The following GRM1 variants were observed in gnomAD, a reference collection of about 807,000 sequenced individuals.
GRM1 encodes glutamate metabotropic receptor 1, also known as metabotropic glutamate receptor 1.
In GRM1, 33 loss-of-function variants were observed where a neutral mutation model predicts 90.9. That is an observed-to-expected ratio of 0.36 (90% CI 0.28 to 0.49). The LOEUF (loss-of-function observed/expected upper bound fraction) is 0.49, where lower values mean the gene tolerates loss of function less well. GRM1 is among the 20% of genes least tolerant of loss of function. The probability of loss-of-function intolerance (pLI) is 0.99; values close to 1 mark genes in which losing one functional copy is unlikely to be tolerated. For synonymous variants in GRM1, 700 were observed against 613.2 expected (o/e 1.14, Z -2.09); for missense variants, 1,190 against 1,534.3 (o/e 0.78, Z 3.75).
intron 1 of GRM1, among the ~76,000 whole-genome samples, chr6:146,080,294 T>C (rs992440457): frequency 5.3e-5 from 8 of 152,198 alleles, no homozygotes; most frequent in Non-Finnish European, 8.8e-5. Flanking sequence ...TACTTTCAAA[T>C]ATTACTTTCC....
chr6:146,173,550 C>CTAG (rs1778222100), intron 2 of GRM1, among the ~76,000 whole-genome samples: 3 of 151,950 alleles, frequency 2.0e-5, no homozygotes, highest in African/African-American at 7.2e-5. Flanking sequence ...AGAGCCACTG[C>CTAG]CTTAATCATT....
intron 2 of GRM1, among the ~76,000 whole-genome samples, chr6:146,275,742 C>A (rs1180916093): frequency 5.9e-5 from 9 of 152,118 alleles, no homozygotes; most frequent in Admixed American, 2.0e-4. Context: ...TCTCTTCTAG[C>A]ACACTGTTCT....
At chr6:146,046,425 C>G (rs2128845127) in intron 1 of GRM1, among the ~76,000 whole-genome samples, 1 of 152,060 alleles carries the variant, frequency 6.6e-6, no homozygotes, top group Non-Finnish European at 1.5e-5. Flanking sequence ...ATGCATGATG[C>G]ATGACTATCA....
At chr6:146,051,826 C>T (rs1434847959) in intron 1 of GRM1, among the ~76,000 whole-genome samples, 1 of 151,984 alleles carries the variant, frequency 6.6e-6, no homozygotes, top group South Asian at 2.1e-4. Flanking sequence ...TCCCAAGCAC[C>T]CTTATATAAT....
chr6:146,058,158 T>C (rs1304854680), intron 1 of GRM1, among the ~76,000 whole-genome samples: 1 of 152,144 alleles, frequency 6.6e-6, no homozygotes, highest in Non-Finnish European at 1.5e-5. Flanking sequence ...AGCTGTCATC[T>C]TCTTTTTGCG....
At chr6:146,262,162 TA>T (rs1781718144) in intron 2 of GRM1, among the ~76,000 whole-genome samples, 1 of 151,660 alleles carries the variant, frequency 6.6e-6, no homozygotes, top group African/African-American at 2.4e-5. Flanking sequence ...GAAGAAAATG[TA>T]AAAATGGCCA....
chr6:146,350,469 T>G (rs771767562), intron 3 of GRM1, among the ~76,000 whole-genome samples: 1 of 26,352 alleles, frequency 3.8e-5, no homozygotes, highest in Non-Finnish European at 7.9e-5. Flanking sequence ...AATTTTTGTG[T>G]TTTTTTTTTT....
At chr6:146,357,220 A>G (rs924069707) in intron 4 of GRM1, among the ~76,000 whole-genome samples, 1 of 152,224 alleles carries the variant, frequency 6.6e-6, no homozygotes, top group Non-Finnish European at 1.5e-5. Context: ...AACTTAATAA[A>G]CCATAATTGG....
At chr6:146,169,541 C>T (rs1041485551) in intron 2 of GRM1, among the ~76,000 whole-genome samples, 1 of 151,980 alleles carries the variant, frequency 6.6e-6, no homozygotes, top group African/African-American at 2.4e-5. Flanking sequence ...GGAGGGAATC[C>T]CTCCAAAGAT....
intron 2 of GRM1, among the ~76,000 whole-genome samples, chr6:146,223,482 G>T (rs1393823158): frequency 6.6e-6 from 1 of 152,030 alleles, no homozygotes; most frequent in Non-Finnish European, 1.5e-5. Flanking sequence ...TCATCTGCAA[G>T]CTCTAACTTG....
At chr6:146,414,943 GTTTA>G (rs1200830497) in intron 7 of GRM1, among the ~76,000 whole-genome samples, 2 of 152,092 alleles carry the variant, frequency 1.3e-5, no homozygotes, top group Non-Finnish European at 2.9e-5. Flanking sequence ...TTTCTAGGAG[GTTTA>G]TTGTTTTGAC....
Position 146,369,594 on chromosome 6 carries a change from G to A in GRM1, c.1602+11900G>A, listed in dbSNP as rs143448722. ...ATGGACCTATTGGTCATTCAGTAGC[G>A]TGTCATTTATTTTCCCTGTAGTTTT... On this transcript the variant is annotated intron_variant, in intron 5 of 7. Coordinates refer to ENST00000282753, the MANE Select transcript of GRM1 (RefSeq NM_001278064.2). Among the ~76,000 whole-genome samples, 903 of 151,838 alleles carry A rather than the reference G, an allele frequency of 5.9e-3. 9 individuals are homozygous for A. Among genetic ancestry groups the A allele is most frequent in the Middle Eastern group, 0.034 (10 of 294 alleles).
intron 1 of GRM1, among the ~76,000 whole-genome samples, chr6:146,033,729 A>C (rs2128836835): frequency 6.6e-6 from 1 of 152,028 alleles, no homozygotes; most frequent in East Asian, 1.9e-4. Flanking sequence ...ATTTTATATA[A>C]AATTGGCCTT....
intron 2 of GRM1, among the ~76,000 whole-genome samples, chr6:146,175,611 T>C (rs1241314278): frequency 6.6e-6 from 1 of 152,052 alleles, no homozygotes; most frequent in Non-Finnish European, 1.5e-5. Context: ...ATAGTAAGAA[T>C]AATACAATAC....
At chr6:146,118,001 T>C (rs1775821890) in intron 1 of GRM1, among the ~76,000 whole-genome samples, 1 of 152,130 alleles carries the variant, frequency 6.6e-6, no homozygotes, top group African/African-American at 2.4e-5. Context: ...CCTTTTGTTT[T>C]GAATTCATTT....
chr6:146,037,969 C>T (rs1486764873), intron 1 of GRM1, among the ~76,000 whole-genome samples: 1 of 151,986 alleles, frequency 6.6e-6, no homozygotes, highest in African/African-American at 2.4e-5. Flanking sequence ...ATCTGAGCAA[C>T]TCTACCTCCA....
At chr6:146,211,616 A>G (rs1779689905) in intron 2 of GRM1, among the ~76,000 whole-genome samples, 1 of 152,200 alleles carries the variant, frequency 6.6e-6, no homozygotes. Flanking sequence ...ATCTTATTTG[A>G]AAAAGCATCT....
rs527483071 is a variant in GRM1, at chr6:146,043,656, A to G, written c.700+13439A>G. Among the ~76,000 whole-genome samples, 4 of 151,596 alleles carry G rather than the reference A, an allele frequency of 2.6e-5. No individual in the cohort carries two copies. The South Asian group carries it at 8.3e-4, about 32-fold the overall frequency. On this transcript the variant is annotated intron_variant, in intron 1 of 7. Transcript: ENST00000282753. ...AAGCTCAAAACTAAAATTAATGCTC[A>G]ATCACAGAATATATTCTAGCTTATG...
At chr6:146,346,752 G>T (rs1259366111) in intron 3 of GRM1, among the ~76,000 whole-genome samples, 1 of 152,064 alleles carries the variant, frequency 6.6e-6, no homozygotes, top group Admixed American at 6.6e-5. Context: ...CATTTTCTTT[G>T]CTCGATATGT....
Sources: allele counts gnomAD v4.1 joint callset (sites outside exome capture counted in the v4.1 genomes callset), GRCh38; gene constraint gnomAD v4.1.1; transcripts MANE v1.5; gene names NCBI Gene and HGNC (gene_info 2026-07-23, HGNC 2026-07-21).